The following LRRC4C variants were observed in gnomAD, a reference collection of about 807,000 sequenced individuals.
LRRC4C encodes leucine rich repeat containing 4C.
In LRRC4C, 5 loss-of-function variants were observed where a neutral mutation model predicts 33.6. The observed-to-expected ratio is 0.15, with a 90% confidence interval of 0.08 to 0.31. The LOEUF is 0.31. Ranked by LOEUF, LRRC4C falls within the 10% of genes least tolerant of loss-of-function variation. The pLI, the probability that LRRC4C is intolerant of heterozygous loss-of-function variation, is 1.00. For missense variants in LRRC4C, 560 were observed against 796.7 expected (o/e 0.70, Z 3.58); for synonymous variants, 329 against 302.0 (o/e 1.09, Z -0.93).
At chr11:41,306,036 AAAAAG>A (rs1168235865) in intron 1 of LRRC4C, among the ~76,000 whole-genome samples, 5 of 116,946 alleles carry the variant, frequency 4.3e-5, no homozygotes, top group African/African-American at 1.4e-4. Context: ...AAAAAAAAAA[AAAAAG>A]AAAGAAAAAT....
chr11:41,322,621 T>TA (rs1212694015), intron 1 of LRRC4C, among the ~76,000 whole-genome samples: 1 of 152,290 alleles, frequency 6.6e-6, no homozygotes, highest in Non-Finnish European at 1.5e-5. Context: ...TTTAAAGATT[T>TA]AAAAAAACAT....
At chr11:41,049,131 A>G (rs895568040) in intron 1 of LRRC4C, among the ~76,000 whole-genome samples, 15 of 152,208 alleles carry the variant, frequency 9.9e-5, no homozygotes, top group Admixed American at 9.8e-4. Context: ...TGTAGCTCCC[A>G]TAATTCCCAC....
intron 1 of LRRC4C, among the ~76,000 whole-genome samples, chr11:41,419,480 C>A (rs1299824547): frequency 6.6e-6 from 1 of 151,714 alleles, no homozygotes; most frequent in Non-Finnish European, 1.5e-5. Flanking sequence ...CTGTGAGGGG[C>A]CATGTCTATA....
chr11:40,695,617 A>G (rs1945464437), intron 2 of LRRC4C, among the ~76,000 whole-genome samples: 1 of 152,120 alleles, frequency 6.6e-6, no homozygotes, highest in Non-Finnish European at 1.5e-5. Flanking sequence ...CGATGGCAGC[A>G]CCAGCTGTTT....
At chr11:41,281,042 T>TTCTCTCTCTCTCTCTC (rs71063910) in intron 1 of LRRC4C, among the ~76,000 whole-genome samples, 1,144 of 75,948 alleles carry the variant, frequency 0.015, 118 homozygotes, top group East Asian at 0.051. Context: ...AATACATATT[T>TTCTCTCTCTCTCTCTC]TCTCTCTCTC....
chr11:41,066,622 C>A (rs1242563336), intron 1 of LRRC4C, among the ~76,000 whole-genome samples: 4 of 152,078 alleles, frequency 2.6e-5, no homozygotes, highest in Non-Finnish European at 1.5e-5. Context: ...TCAGATTCTT[C>A]AAGGTTGAAA....
intron 2 of LRRC4C, among the ~76,000 whole-genome samples, chr11:40,883,624 C>A (rs1955292593): frequency 6.6e-6 from 1 of 151,850 alleles, no homozygotes; most frequent in African/African-American, 2.4e-5. Flanking sequence ...ATATATATTG[C>A]ATAATTAAAC....
At position 40,208,291 on chromosome 11, in the gene LRRC4C, C is replaced by A. The variant is rs140613151; in HGVS notation, c.-96+33228G>T. Among the ~76,000 whole-genome samples the A allele has an allele frequency of 8.3e-3, 1,261 of 152,122 alleles. 21 individuals carry two copies. The highest frequency in any genetic ancestry group is 0.028 in the African/African-American group (1,169 of 41,480). On this transcript the variant is annotated intron_variant, in intron 5 of 6. Coordinates refer to ENST00000528697, the MANE Select transcript of LRRC4C (RefSeq NM_001258419.2). ...ATGTTGAGCAAATTGCAAATGAAGACAAAGTGATTTTTCCACTGGGAGGGA... is the reference window on the plus strand; with the variant it reads ...ATGTTGAGCAAATTGCAAATGAAGAAAAAGTGATTTTTCCACTGGGAGGGA...
In LRRC4C at chr11:40,398,234, G is replaced by C. The variant is rs1030143356; in HGVS notation, c.-269-78513C>G. 4.0e-5 allele frequency among the ~76,000 whole-genome samples: 6 copies of C among 151,820 alleles called. No homozygotes were observed. In the South Asian group the frequency reaches 1.2e-3, roughly 31 times the overall value. On this transcript the variant is annotated intron_variant, in intron 3 of 6. Transcript: ENST00000528697. ...AGTATGGTACAATTTTTGGATAAAT[G>C]AAAAAATATAAATACTATTCATAGA...
At chr11:41,246,059 C>T (rs1326789688) in intron 1 of LRRC4C, among the ~76,000 whole-genome samples, 1 of 152,162 alleles carries the variant, frequency 6.6e-6, no homozygotes, top group Non-Finnish European at 1.5e-5. Context: ...CATTCCCTAG[C>T]CTGAAGGTAG....
At chr11:40,164,203 A>C (rs1353868530) in intron 5 of LRRC4C, among the ~76,000 whole-genome samples, 1 of 152,202 alleles carries the variant, frequency 6.6e-6, no homozygotes, top group African/African-American at 2.4e-5. Context: ...GCTTAACACA[A>C]GAATGTCCAG....
chr11:41,257,969 C>T (rs1948856641), intron 1 of LRRC4C, among the ~76,000 whole-genome samples: 2 of 151,756 alleles, frequency 1.3e-5, no homozygotes, highest in Non-Finnish European at 2.9e-5. Context: ...TGTTTGCGTG[C>T]TTAAATTTTT....
intron 3 of LRRC4C, among the ~76,000 whole-genome samples, chr11:40,474,041 A>G (rs949248713): frequency 4.6e-4 from 70 of 152,220 alleles, no homozygotes; most frequent in African/African-American, 1.6e-3. Context: ...AGTAATTTAT[A>G]GATTCAATGC....
intron 3 of LRRC4C, among the ~76,000 whole-genome samples, chr11:40,413,770 T>C (rs943618134): frequency 3.9e-5 from 6 of 152,142 alleles, no homozygotes; most frequent in Admixed American, 2.0e-4. Context: ...CTTAAATCAC[T>C]GACCCTACTT....
chr11:40,750,568 AC>A (rs1468769618), intron 2 of LRRC4C, among the ~76,000 whole-genome samples: 1 of 147,818 alleles, frequency 6.8e-6, no homozygotes, highest in Non-Finnish European at 1.5e-5. Flanking sequence ...GAAACCAAAT[AC>A]CGCATGTTCT....
At chr11:40,772,150 C>A (rs991210848) in intron 2 of LRRC4C, among the ~76,000 whole-genome samples, 1 of 152,170 alleles carries the variant, frequency 6.6e-6, no homozygotes, top group African/African-American at 2.4e-5. Flanking sequence ...CACCTTTCTG[C>A]ATGACTAGGG....
At position 41,357,675 on chromosome 11, in the gene LRRC4C, T is replaced by C. The variant is rs191731886; in HGVS notation, c.-496+101756A>G. Among the ~76,000 whole-genome samples, 3 of 152,194 alleles carry C rather than the reference T, an allele frequency of 2.0e-5. No individual in the cohort carries two copies. In the East Asian group the frequency reaches 5.8e-4, roughly 29 times the overall value. On this transcript the variant is annotated intron_variant, in intron 1 of 6. Coordinates refer to ENST00000528697, the MANE Select transcript of LRRC4C (RefSeq NM_001258419.2). Reference sequence around the variant, plus strand: ...GTGGCTCACAGATAAATCGTGAACATTTTAAATACCTGAGAGTATATCTAA... The same window carrying C: ...GTGGCTCACAGATAAATCGTGAACACTTTAAATACCTGAGAGTATATCTAA...
At chr11:41,157,478 GTATCTA>G (rs1944285639) in intron 1 of LRRC4C, among the ~76,000 whole-genome samples, 2 of 152,118 alleles carry the variant, frequency 1.3e-5, no homozygotes, top group South Asian at 2.1e-4. Context: ...TTATTCCTAA[GTATCTA>G]TATCTAATTA....
At chr11:40,818,094 T>C (rs1368090197) in intron 2 of LRRC4C, among the ~76,000 whole-genome samples, 2 of 152,128 alleles carry the variant, frequency 1.3e-5, no homozygotes, top group Non-Finnish European at 2.9e-5. Flanking sequence ...GCCTGACTTA[T>C]AAAAACTATA....
Sources: allele counts gnomAD v4.1 joint callset (sites outside exome capture counted in the v4.1 genomes callset), GRCh38; gene constraint gnomAD v4.1.1; transcripts MANE v1.5; gene names NCBI Gene and HGNC (gene_info 2026-07-23, HGNC 2026-07-21).